The following RYR1 variants were observed in gnomAD, a reference collection of about 807,000 sequenced individuals.
RYR1 encodes ryanodine receptor 1, also known as central core disease of muscle.
RYR1 carries 342 observed loss-of-function variants against 583.5 expected under a neutral mutation model. The observed-to-expected ratio is 0.59, with a 90% CI of 0.54 to 0.64. The LOEUF is 0.64. Among genes scored for constraint, RYR1 ranks in the 30% least tolerant of loss-of-function variants. The pLI is 0.00. For missense variants in RYR1, 6,032 were observed against 6,917.2 expected, an observed-to-expected ratio of 0.87 and a Z score of 4.54; for synonymous variants, 2,791 against 2,822.5, an observed-to-expected ratio of 0.99 and a Z score of 0.35.
chr19:38,477,879 G>A lies in RYR1; in HGVS notation c.4454+9G>A, dbSNP rs1968814690. 4 of 1,610,604 alleles carry A rather than the reference G, an allele frequency of 2.5e-6. No individual in the cohort carries two copies. The highest frequency in any genetic ancestry group is 3.4e-6 in the Non-Finnish European group (4 of 1,178,320). On this transcript the variant is annotated intron_variant, in intron 30 of 105. Transcript: ENST00000359596. The stretch of plus-strand genomic sequence containing the variant: ...GGCAACGTCCACAGCAGGTGCCGGG[G>A]CTGGGGGGAGGTGGGAGGTGCAGGG...
intron 87 of RYR1, 113 bp from the exon 88 acceptor site, chr19:38,546,332 T>G (rs1600996599): frequency 7.5e-6 from 6 of 802,128 alleles, no homozygotes; most frequent in Admixed American, 2.0e-5. Flanking sequence ...CCCTCGGAGG[T>G]AAGAGGGGAG....
chr19:38,578,269 C>A, intron 99 of RYR1, 65 bp downstream of exon 99: 1 of 1,539,992 alleles, frequency 6.5e-7, no homozygotes, highest in Non-Finnish European at 8.9e-7. Flanking sequence ...GGGTTCCCAA[C>A]GTCGGGTGTT....
chr19:38,582,241 T>C (rs929454041), intron 101 of RYR1, among the ~76,000 whole-genome samples: 5 of 151,708 alleles, frequency 3.3e-5, no homozygotes, highest in African/African-American at 1.2e-4. Context: ...CTACTAAAAA[T>C]ACAAAATTAG....
intron 38 of RYR1, among the ~76,000 whole-genome samples, chr19:38,493,399 G>A (rs1969644759): frequency 6.6e-6 from 1 of 152,148 alleles, no homozygotes; most frequent in South Asian, 2.1e-4. Context: ...CAACATTCAG[G>A]AAACTTTTAT....
At chr19:38,515,601 C>G (rs1207111817) in intron 64 of RYR1, among the ~76,000 whole-genome samples, 1 of 151,994 alleles carries the variant, frequency 6.6e-6, no homozygotes, top group Non-Finnish European at 1.5e-5. Context: ...TGAGACCAGC[C>G]TGGGCAACAT....
chr19:38,490,691 A>G lies in RYR1; in HGVS notation c.6086A>G (p.Gln2029Arg), dbSNP rs1484562818. Residue 2029 changes from glutamine to arginine, a missense_variant, in exon 37 of 106, where the codon CAG (glutamine) becomes CGG (arginine). Gln to Arg is a conservative substitution (Grantham distance 43, BLOSUM62 1). Around this residue, in one of 11 missense-constraint regions of RYR1, gnomAD observed 2,627 missense variants for 2,961.3 expected, o/e 0.89. Coordinates refer to ENST00000359596, the MANE Select transcript of RYR1 (RefSeq NM_000540.3). ...EDCPLPEEIR[Q>R]DLLDFHQDLL... The stretch of plus-strand genomic sequence containing the variant: ...TGTCCTCTCCCTGAAGAGATTCGAC[A>G]GGATTTGCTTGACTTTCATCAAGAC... 6.8e-6 allele frequency: 11 copies of G among 1,613,922 alleles called. No individual in the cohort carries two copies. In the Admixed American group the frequency reaches 1.3e-4, roughly 20 times the overall value.
intron 1 of RYR1, 32 bp from the exon 2 acceptor site, chr19:38,440,713 C>A: frequency 1.2e-6 from 2 of 1,601,914 alleles, no homozygotes; most frequent in Admixed American, 1.7e-5. Flanking sequence ...CGGGCCAGGC[C>A]CCCCTGGAGA....
chr19:38,513,900 C>A (rs1296949446), intron 63 of RYR1, among the ~76,000 whole-genome samples: 4 of 152,056 alleles, frequency 2.6e-5, no homozygotes, highest in Non-Finnish European at 5.9e-5. Flanking sequence ...AGAATAGGAA[C>A]CTTCTCTTGT....
chr19:38,439,488 C>T (rs548629869), intron 1 of RYR1, among the ~76,000 whole-genome samples: 8 of 150,420 alleles, frequency 5.3e-5, no homozygotes, highest in East Asian at 2.0e-4. Context: ...CGTGAGCCAC[C>T]GCACCCGGCT....
In RYR1 at chr19:38,451,755, C is replaced by G; in HGVS notation, c.1123-9C>G. The stretch of plus-strand genomic sequence containing the variant: ...GGCCCACTCCAGACCTCTGTCTCCC[C>G]ACTCCTAGGCCATGCTGCACCAGGA... On this transcript the variant is annotated splice_polypyrimidine_tract_variant and intron_variant, in intron 11 of 105. Coordinates refer to ENST00000359596, the MANE Select transcript of RYR1 (RefSeq NM_000540.3). 6.2e-7 allele frequency: 1 copy of G among 1,614,058 alleles called. No individual in the cohort carries two copies. Among genetic ancestry groups the G allele is most frequent in the South Asian group, 1.1e-5 (1 of 91,076 alleles).
rs970000046 is a variant in RYR1, at chr19:38,474,564, C to CTTTTT, written c.4161-730_4161-726dup. On this transcript the variant is annotated intron_variant, in intron 28 of 105. Transcript: ENST00000359596. ...AGACATGAGCTACCACGCCCGGCTC[C>CTTTTT]TTTTTTTTTTTTTTTTTTTTTTTTT... 2.0e-4 allele frequency among the ~76,000 whole-genome samples: 18 copies of CTTTTT among 88,208 alleles called. 2 individuals carry two copies. The highest frequency in any genetic ancestry group is 7.4e-4 in the African/African-American group (15 of 20,404). The allele number at this position is 88,208 out of a possible 152,430, so 57.9% of individuals were successfully genotyped here.
chr19:38,496,479 A>G lies in RYR1; in HGVS notation c.6734A>G (p.Gln2245Arg). The G allele has an allele frequency of 4.3e-6, 7 of 1,613,704 alleles. No homozygotes were observed. Among genetic ancestry groups the G allele is most frequent in the Non-Finnish European group, 5.1e-6 (6 of 1,180,030 alleles). ...FLCYFCRISRQNQRSMFDHLS... is the reference protein window; with the variant it reads ...FLCYFCRISRRNQRSMFDHLS... Reference sequence around the variant, plus strand: ...TGCTATTTCTGCCGAATCAGCCGGCAGAACCAGCGCTCCATGTTTGACCAC... The same window carrying G: ...TGCTATTTCTGCCGAATCAGCCGGCGGAACCAGCGCTCCATGTTTGACCAC... The change falls in exon 41 of 106, where the codon CAG becomes CGG. Residue 2245 changes from glutamine to arginine, a missense_variant. Around this residue, in one of 11 missense-constraint regions of RYR1, gnomAD observed 2,627 missense variants for 2,961.3 expected, o/e 0.89. Coordinates refer to ENST00000359596, the MANE Select transcript of RYR1 (RefSeq NM_000540.3). The surrounding 1 kb of genome is among the most constrained non-coding windows in gnomAD (Gnocchi z 4.8).
At chr19:38,472,139 C>T (rs1600726594) in intron 27 of RYR1, among the ~76,000 whole-genome samples, 1 of 152,046 alleles carries the variant, frequency 6.6e-6, no homozygotes, top group African/African-American at 2.4e-5. Flanking sequence ...CACTCTGTCA[C>T]CCAGGCTGGA....
At chr19:38,469,714 A>C (rs564939250) in intron 27 of RYR1, among the ~76,000 whole-genome samples, 20 of 152,122 alleles carry the variant, frequency 1.3e-4, no homozygotes, top group African/African-American at 4.8e-4. Context: ...CAGGTGCCTC[A>C]CCTATAAAAT....
chr19:38,505,207 T>C, intron 52 of RYR1, 102 bp from the exon 53 acceptor site: 1 of 1,176,240 alleles, frequency 8.5e-7, no homozygotes, highest in Non-Finnish European at 1.2e-6. Context: ...CTTAGCTTGT[T>C]CTGGGACCCC....
At chr19:38,545,245 G>A (rs1972374857) in intron 87 of RYR1, among the ~76,000 whole-genome samples, 1 of 152,134 alleles carries the variant, frequency 6.6e-6, no homozygotes, top group Admixed American at 6.5e-5. Flanking sequence ...CTGTGGGATG[G>A]GGGACTCCGC....
At chr19:38,491,419 A>C (rs11882813) in intron 37 of RYR1, among the ~76,000 whole-genome samples, 35,448 of 146,494 alleles carry the variant, frequency 0.24, 6,075 homozygotes, top group African/African-American at 0.49. Context: ...GTCTCTGAGG[A>C]TTTCTTTCAT....
In RYR1 at chr19:38,451,841, C is replaced by T. The variant is rs761213556; in HGVS notation, c.1200C>T (p.Ala400=). The T allele has an allele frequency of 6.2e-6, 10 of 1,614,128 alleles. No individual in the cohort carries two copies. In the South Asian group the frequency reaches 1.1e-4, roughly 18 times the overall value. The change falls in exon 12 of 106, where the codon GCC becomes GCT. Residue 400 remains alanine (A), a synonymous_variant. Transcript: ENST00000359596. ...TRCQQEESQA[A]RMIHSTNGLY... is the part of the protein sequence containing the mutation. ...GCCAGCAGGAGGAGTCCCAGGCCGC[C>T]CGCATGATCCACAGCACCAATGGCC...
At position 38,577,944 on chromosome 19, in the gene RYR1, C is replaced by T. The variant is rs751568439; in HGVS notation, c.14199C>T (p.Tyr4733=). 24 of 1,613,968 alleles carry T rather than the reference C, an allele frequency of 1.5e-5. No individual in the cohort carries two copies. Among genetic ancestry groups the T allele is most frequent in the Non-Finnish European group, 1.7e-5 (20 of 1,180,034 alleles). ...TCCTGGACAAACATGGGGACATCTACGGGCGGGAGCGGATTGCTGAGCTAC... is the reference window on the plus strand; with the variant it reads ...TCCTGGACAAACATGGGGACATCTATGGGCGGGAGCGGATTGCTGAGCTAC... ...RKVLDKHGDI[Y]GRERIAELLG... is the part of the protein sequence containing the mutation. The change falls in exon 98 of 106, where the codon TAC becomes TAT. Residue 4733 remains tyrosine, a synonymous_variant. Transcript: ENST00000359596.
Sources: gnomAD v4.1 joint callset for allele counts (sites outside exome capture counted in the v4.1 genomes callset) on GRCh38, gnomAD v4.1.1 for gene constraint, gnomAD v4.1.1 regional missense constraint, Gnocchi (gnomAD v3.1) non-coding constraint, MANE v1.5 for transcripts, NCBI Gene and HGNC (gene_info 2026-07-23, HGNC 2026-07-21) for gene names.